The following LYRM4 variants were observed in gnomAD, a reference collection of about 807,000 sequenced individuals.
LYRM4 encodes the protein LYR motif-containing protein 4.
A neutral mutation model predicts 11.7 loss-of-function variants in LYRM4; 9 were observed. That is an observed-to-expected ratio of 0.77 (90% CI 0.46 to 1.34). The LOEUF is 1.34. Among genes scored for constraint, LYRM4 ranks in the 40% most tolerant of loss-of-function variants. LYRM4 has a pLI of 0.00. For synonymous variants in LYRM4, 42 were observed against 40.4 expected, an observed-to-expected ratio of 1.04 and a Z score of -0.15; for missense variants, 133 against 112.5, an observed-to-expected ratio of 1.18 and a Z score of -0.82.
chr6:5,091,887 G>A, the LYRM4 span, among the ~76,000 whole-genome samples: 1 of 151,166 alleles, frequency 6.6e-6, no homozygotes. Flanking sequence ...TAAGGAAATT[G>A]GGCTGGTATA....
intron 1 of LYRM4, among the ~76,000 whole-genome samples, chr6:5,229,003 C>CAAAAAAAA (rs70974180): frequency 1.7e-3 from 64 of 37,966 alleles, no homozygotes; most frequent in African/African-American, 6.8e-3. Context: ...GGCTCAGTCT[C>CAAAAAAAA]AAAAAAAAAA....
the LYRM4 span, among the ~76,000 whole-genome samples, chr6:5,094,785 C>G: frequency 6.6e-6 from 1 of 152,094 alleles, no homozygotes; most frequent in African/African-American, 2.4e-5. Context: ...GGAACCAAAG[C>G]CCTGATTTGA....
downstream of LYRM4, chr6:5,108,243 T>C (rs1357369857): frequency 6.4e-6 from 1 of 156,340 alleles, no homozygotes; most frequent in Non-Finnish European, 1.4e-5. Flanking sequence ...GGACCGGTGC[T>C]ATTTATAGGA....
chr6:5,247,459 G>A (rs1406862175), intron 1 of LYRM4, among the ~76,000 whole-genome samples: 2 of 152,190 alleles, frequency 1.3e-5, no homozygotes, highest in East Asian at 1.9e-4. Context: ...AAGCGTAAAG[G>A]AGATTTTAGT....
At chr6:5,086,517 C>G in the LYRM4 span, 11 of 1,534,730 alleles carry the variant, frequency 7.2e-6, no homozygotes, top group Non-Finnish European at 9.6e-6. Flanking sequence ...ACAACGCGGG[C>G]GCCAACTACA....
intron 2 of LYRM4, among the ~76,000 whole-genome samples, chr6:5,199,308 A>G (rs1346880070): frequency 6.6e-6 from 1 of 152,222 alleles, no homozygotes; most frequent in Admixed American, 6.5e-5. Context: ...TCGTGAATAT[A>G]AATTTCATCC....
downstream of LYRM4, chr6:5,103,630 A>ATT (rs59251955): frequency 3.4e-4 from 41 of 119,734 alleles, no homozygotes; most frequent in Non-Finnish European, 4.8e-4. Flanking sequence ...TATCTGAGAT[A>ATT]TTTTTTTTTT....
At chr6:5,091,818 A>ATG in the LYRM4 span, among the ~76,000 whole-genome samples, 1 of 152,330 alleles carries the variant, frequency 6.6e-6, no homozygotes, top group East Asian at 1.9e-4. Context: ...AACCACGCAT[A>ATG]TACATATGCA....
chr6:5,256,489 T>A (rs1477039683), intron 1 of LYRM4, among the ~76,000 whole-genome samples: 2 of 10,498 alleles, frequency 1.9e-4, no homozygotes, highest in Non-Finnish European at 2.8e-4. Flanking sequence ...AGATTTCAAC[T>A]GGAAAAAAAA....
At chr6:5,116,928 G>C (rs541539965) in intron 2 of LYRM4, among the ~76,000 whole-genome samples, 1 of 152,176 alleles carries the variant, frequency 6.6e-6, no homozygotes, top group Admixed American at 6.5e-5. Flanking sequence ...AGCCATCCCC[G>C]CAACACATCT....
chr6:5,157,801 A>G (rs777573827), intron 2 of LYRM4, among the ~76,000 whole-genome samples: 29 of 152,226 alleles, frequency 1.9e-4, no homozygotes, highest in Non-Finnish European at 3.1e-4. Flanking sequence ...AATTGAATAT[A>G]TCTCTCAATT....
the LYRM4 span, among the ~76,000 whole-genome samples, chr6:5,090,367 G>C: frequency 6.6e-6 from 1 of 152,132 alleles, no homozygotes; most frequent in Non-Finnish European, 1.5e-5. The surrounding 1 kb of genome is among the most constrained non-coding windows in gnomAD (Gnocchi z 4.8). Context: ...ATTCTCCCCG[G>C]GAAGCTTCCG....
intron 2 of LYRM4, among the ~76,000 whole-genome samples, chr6:5,208,659 A>G (rs1197826256): frequency 6.6e-6 from 1 of 152,226 alleles, no homozygotes; most frequent in Non-Finnish European, 1.5e-5. Flanking sequence ...GGCAATCTCC[A>G]ACCAAATGAG....
chr6:5,195,901 T>C (rs1761025249), intron 2 of LYRM4, among the ~76,000 whole-genome samples: 1 of 152,206 alleles, frequency 6.6e-6, no homozygotes. Context: ...AAATATTGAA[T>C]GATTTCTTAG....
chr6:5,134,004 C>T (rs1015904941), intron 2 of LYRM4, among the ~76,000 whole-genome samples: 5 of 152,226 alleles, frequency 3.3e-5, no homozygotes, highest in African/African-American at 7.2e-5. Flanking sequence ...ACCCTTTCCT[C>T]AGCTGAAGGA....
the LYRM4 span, among the ~76,000 whole-genome samples, chr6:5,053,324 G>C: frequency 6.6e-6 from 1 of 152,148 alleles, no homozygotes; most frequent in Admixed American, 6.5e-5. Context: ...ACAGAGCACA[G>C]GATCCAGAAA....
At chr6:5,066,967 C>G in the LYRM4 span, 1 of 977,796 alleles carries the variant, frequency 1.0e-6, no homozygotes, top group African/African-American at 1.7e-5. Flanking sequence ...GGAAATCCGG[C>G]CACTGGGATC....
At chr6:5,254,380 C>T (rs376525398) in intron 1 of LYRM4, among the ~76,000 whole-genome samples, 6 of 152,150 alleles carry the variant, frequency 3.9e-5, no homozygotes, top group Admixed American at 6.5e-5. Flanking sequence ...TCCCGAAGCA[C>T]GGATTTTTAC....
chr6:5,085,676 A>C, the LYRM4 span: 1 of 1,548,282 alleles, frequency 6.5e-7, no homozygotes, highest in Non-Finnish European at 8.7e-7. Context: ...CCGAAGGAAG[A>C]GGCCGCCCCC....
Sources: allele counts gnomAD v4.1 joint callset (sites outside exome capture counted in the v4.1 genomes callset), GRCh38; gene constraint gnomAD v4.1.1; non-coding constraint Gnocchi (gnomAD v3.1); transcripts MANE v1.5; gene names NCBI Gene and HGNC (gene_info 2026-07-23, HGNC 2026-07-21).